B3GALT1: variants seen among roughly 807,000 people sequenced by gnomAD.
The protein encoded by B3GALT1 is beta-1,3-galactosyltransferase 1.
A neutral mutation model predicts 23.2 loss-of-function variants in B3GALT1; 10 were observed. That is an observed-to-expected ratio of 0.43 (90% CI 0.27 to 0.73). The LOEUF (loss-of-function observed/expected upper bound fraction) is 0.73, where lower values mean the gene tolerates loss of function less well. Ranked by LOEUF, B3GALT1 falls within the 30% of genes least tolerant of loss-of-function variation. The pLI, the probability that B3GALT1 is intolerant of heterozygous loss-of-function variation, is 0.21. For missense variants in B3GALT1, 299 were observed against 405.4 expected, an observed-to-expected ratio of 0.74 and a Z score of 2.25; for synonymous variants, 156 against 141.5, an observed-to-expected ratio of 1.10 and a Z score of -0.73.
intron 1 of B3GALT1, among the ~76,000 whole-genome samples, chr2:167,480,785 G>C (rs1424957850): frequency 6.6e-6 from 1 of 152,148 alleles, no homozygotes; most frequent in African/African-American, 2.4e-5. Flanking sequence ...CAGTACAAGA[G>C]TGACTAAATA....
At chr2:167,527,062 A>G (rs1683231915) in intron 2 of B3GALT1, among the ~76,000 whole-genome samples, 1 of 152,160 alleles carries the variant, frequency 6.6e-6, no homozygotes, top group Non-Finnish European at 1.5e-5. Flanking sequence ...TGCATTTATT[A>G]CAACTTATGA....
chr2:167,540,429 A>G, intron 2 of B3GALT1, among the ~76,000 whole-genome samples: 1 of 152,220 alleles, frequency 6.6e-6, no homozygotes, highest in South Asian at 2.1e-4. Context: ...TCACAAGCAT[A>G]TTCATGTATG....
At chr2:167,312,933 A>G (rs536973566) in intron 1 of B3GALT1, among the ~76,000 whole-genome samples, 1 of 152,234 alleles carries the variant, frequency 6.6e-6, no homozygotes, top group Admixed American at 6.5e-5. Context: ...ATACATAAGT[A>G]GGATAATTAA....
At chr2:167,367,371 T>C (rs926487531) in intron 1 of B3GALT1, among the ~76,000 whole-genome samples, 1 of 152,230 alleles carries the variant, frequency 6.6e-6, no homozygotes, top group Non-Finnish European at 1.5e-5. Flanking sequence ...TGTGATGGAC[T>C]ACCCATTGCT....
chr2:167,834,142 A>G (rs1267699176), intron 4 of B3GALT1, among the ~76,000 whole-genome samples: 1 of 152,178 alleles, frequency 6.6e-6, no homozygotes, highest in Non-Finnish European at 1.5e-5. Flanking sequence ...AAACAAACAG[A>G]ATGAGATCAG....
chr2:167,740,366 G>A (rs1687560909), intron 3 of B3GALT1, among the ~76,000 whole-genome samples: 1 of 152,118 alleles, frequency 6.6e-6, no homozygotes, highest in Admixed American at 6.5e-5. Context: ...CTCCAGGAAT[G>A]TTGGTACATG....
intron 3 of B3GALT1, among the ~76,000 whole-genome samples, chr2:167,806,516 T>G (rs1463442796): frequency 2.0e-5 from 3 of 152,214 alleles, no homozygotes; most frequent in African/African-American, 7.2e-5. Context: ...TATTGAGAGT[T>G]TTTAGCATGA....
At chr2:167,707,407 G>A (rs773682693) in intron 3 of B3GALT1, among the ~76,000 whole-genome samples, 8 of 152,016 alleles carry the variant, frequency 5.3e-5, no homozygotes, top group Non-Finnish European at 7.4e-5. Flanking sequence ...TTTCCATTCC[G>A]TAGGGTAGAA....
At chr2:167,486,575 G>C (rs947280379) in intron 1 of B3GALT1, among the ~76,000 whole-genome samples, 5 of 151,656 alleles carry the variant, frequency 3.3e-5, no homozygotes, top group African/African-American at 9.7e-5. Flanking sequence ...AAAACTAGCT[G>C]GGTGTTGTGG....
chr2:167,843,193 C>T (rs1446796530), intron 4 of B3GALT1, among the ~76,000 whole-genome samples: 4 of 152,170 alleles, frequency 2.6e-5, no homozygotes, highest in Non-Finnish European at 5.9e-5. Flanking sequence ...TGTAAATTTT[C>T]GTAAACATTT....
intron 3 of B3GALT1, among the ~76,000 whole-genome samples, chr2:167,689,192 T>C (rs1388119911): frequency 2.7e-5 from 4 of 147,732 alleles, no homozygotes; most frequent in African/African-American, 9.9e-5. Context: ...AATGCATTAC[T>C]TATAGAGCAA....
intron 1 of B3GALT1, among the ~76,000 whole-genome samples, chr2:167,430,110 G>A (rs913847986): frequency 6.6e-6 from 1 of 152,174 alleles, no homozygotes; most frequent in African/African-American, 2.4e-5. Flanking sequence ...ACAGTGCCAA[G>A]GTCAGTGGTC....
chr2:167,819,774 A>G (rs1689067603), intron 4 of B3GALT1, among the ~76,000 whole-genome samples: 2 of 152,232 alleles, frequency 1.3e-5, no homozygotes, highest in Admixed American at 1.3e-4. Context: ...CAAGTTCAAC[A>G]AAACTCCAAT....
intron 2 of B3GALT1, among the ~76,000 whole-genome samples, chr2:167,616,850 C>T (rs1440517285): frequency 1.3e-5 from 2 of 152,054 alleles, no homozygotes; most frequent in African/African-American, 4.8e-5. Flanking sequence ...GAAAAAATTA[C>T]AGCTACATTT....
At chr2:167,559,054 A>AC (rs1392495966) in intron 2 of B3GALT1, among the ~76,000 whole-genome samples, 1 of 152,034 alleles carries the variant, frequency 6.6e-6, no homozygotes, top group Non-Finnish European at 1.5e-5. Context: ...ACTGGGAGGC[A>AC]CCCCCCAGCA....
intron 3 of B3GALT1, among the ~76,000 whole-genome samples, chr2:167,781,064 C>T (rs1377748126): frequency 6.6e-6 from 1 of 152,114 alleles, no homozygotes; most frequent in Non-Finnish European, 1.5e-5. Context: ...CCACCTAGTC[C>T]AGCACATAGT....
At chr2:167,435,983 GCACACACACA>G (rs149818630) in intron 1 of B3GALT1, among the ~76,000 whole-genome samples, 17,183 of 139,114 alleles carry the variant, frequency 0.12, 1,164 homozygotes, top group African/African-American at 0.21. Flanking sequence ...ACACACACAC[GCACACACACA>G]CACGCACTAG....
intron 3 of B3GALT1, among the ~76,000 whole-genome samples, chr2:167,764,864 G>A (rs1687951649): frequency 6.6e-6 from 1 of 152,066 alleles, no homozygotes; most frequent in African/African-American, 2.4e-5. Flanking sequence ...CTGCTTGGGG[G>A]TAAACAAGGG....
chr2:167,480,332 T>C (rs543579338), intron 1 of B3GALT1, among the ~76,000 whole-genome samples: 1 of 152,278 alleles, frequency 6.6e-6, no homozygotes, highest in African/African-American at 2.4e-5. Flanking sequence ...ACTCCTCCCA[T>C]GCCTAGCCAG....
Sources: allele counts gnomAD v4.1 joint callset (sites outside exome capture counted in the v4.1 genomes callset), GRCh38; gene constraint gnomAD v4.1.1; transcripts MANE v1.5; gene names NCBI Gene and HGNC (gene_info 2026-07-23, HGNC 2026-07-21).